PALM2AKAP2: variants seen among roughly 807,000 people sequenced by gnomAD.
PALM2AKAP2 encodes PALM2-AKAP2 fusion protein.
Under a neutral mutation model 71.5 loss-of-function variants are expected in PALM2AKAP2, and 37 were observed. The observed-to-expected ratio is 0.52, with a 90% CI of 0.40 to 0.68. PALM2AKAP2 has a LOEUF of 0.68. PALM2AKAP2 is among the 30% of genes least tolerant of loss of function. PALM2AKAP2 has a pLI of 0.00. For missense variants in PALM2AKAP2, 1,224 were observed against 1,191.8 expected, an observed-to-expected ratio of 1.03 and a Z score of -0.40; for synonymous variants, 468 against 478.8, an observed-to-expected ratio of 0.98 and a Z score of 0.29.
At chr9:109,871,710 T>C (rs1055534435) in intron 2 of PALM2AKAP2, among the ~76,000 whole-genome samples, 1 of 152,248 alleles carries the variant, frequency 6.6e-6, no homozygotes, top group Middle Eastern at 3.4e-3. Context: ...AACATTAGCA[T>C]TGGAATAACA....
intron 3 of PALM2AKAP2, among the ~76,000 whole-genome samples, chr9:109,881,804 A>T (rs749256505): frequency 6.7e-6 from 1 of 149,252 alleles, no homozygotes. Context: ...TGTCCCTCCA[A>T]CCCATCCCAC....
intron 1 of PALM2AKAP2, among the ~76,000 whole-genome samples, chr9:109,660,131 A>G (rs10759355): frequency 0.2 from 29,674 of 152,122 alleles, 3,493 homozygotes; most frequent in African/African-American, 0.33. Flanking sequence ...ACTGCACCTG[A>G]CCCAAAAACA....
rs552228907 is a variant in PALM2AKAP2, at chr9:109,839,496, C to T, written c.46-27995C>T. 5.2e-4 allele frequency among the ~76,000 whole-genome samples: 79 copies of T among 152,322 alleles called. 1 individual carries two copies. The highest frequency in any genetic ancestry group is 1.8e-3 in the African/African-American group (74 of 41,574). ...GGCACAAGACAGGGATGCCCTCTCTCACCACTCCTATTCAACATAGTGTTG... is the reference window on the plus strand; with the variant it reads ...GGCACAAGACAGGGATGCCCTCTCTTACCACTCCTATTCAACATAGTGTTG... On this transcript the variant is annotated intron_variant, in intron 1 of 9. Transcript: ENST00000302798.
At chr9:110,113,318 A>G (rs1185552314) in intron 1 of PALM2AKAP2, among the ~76,000 whole-genome samples, 1 of 150,404 alleles carries the variant, frequency 6.6e-6, no homozygotes, top group African/African-American at 2.5e-5. Flanking sequence ...AGCTCACTGC[A>G]ACCTCCACCT....
chr9:109,694,282 G>A (rs1221898218), intron 1 of PALM2AKAP2, among the ~76,000 whole-genome samples: 1 of 151,964 alleles, frequency 6.6e-6, no homozygotes, highest in Non-Finnish European at 1.5e-5. Context: ...CTTACATCAT[G>A]TACATATTTA....
At chr9:110,039,381 A>C (rs539400603) in intron 7 of PALM2AKAP2, among the ~76,000 whole-genome samples, 1 of 152,334 alleles carries the variant, frequency 6.6e-6, no homozygotes, top group East Asian at 1.9e-4. Flanking sequence ...AGCATATTTG[A>C]TAAAGTGAAA....
At chr9:110,137,811 A>C in exon 2 of PALM2AKAP2, 1 of 1,614,126 alleles carries the variant, frequency 6.2e-7, no homozygotes, top group Non-Finnish European at 8.5e-7. Flanking sequence ...TCTCTGCCCC[A>C]GACACCACAA....
intron 1 of PALM2AKAP2, among the ~76,000 whole-genome samples, chr9:110,050,846 T>C (rs1326594051): frequency 1.3e-5 from 2 of 152,196 alleles, no homozygotes; most frequent in African/African-American, 4.8e-5. Context: ...CAGGCTGGTC[T>C]TGAACTCCTG....
intron 7 of PALM2AKAP2, among the ~76,000 whole-genome samples, chr9:110,024,658 T>A (rs1272931025): frequency 2.0e-5 from 3 of 151,890 alleles, no homozygotes; most frequent in Admixed American, 1.3e-4. Context: ...GTGGCATGCA[T>A]CTGTAGTCCC....
At chr9:110,160,874 GA>G (rs1251812620) in intron 3 of PALM2AKAP2, among the ~76,000 whole-genome samples, 2 of 152,086 alleles carry the variant, frequency 1.3e-5, no homozygotes, top group African/African-American at 4.8e-5. Flanking sequence ...TCATTACTGA[GA>G]GGTCATCCAA....
intron 1 of PALM2AKAP2, among the ~76,000 whole-genome samples, chr9:110,131,282 T>C (rs1437015541): frequency 6.6e-6 from 1 of 152,186 alleles, no homozygotes; most frequent in Non-Finnish European, 1.5e-5. Flanking sequence ...ACTGGGCCGA[T>C]CTAAAAAGCT....
At chr9:109,781,315 A>G (rs748972246) in intron 1 of PALM2AKAP2, among the ~76,000 whole-genome samples, 1 of 152,180 alleles carries the variant, frequency 6.6e-6, no homozygotes, top group Admixed American at 6.5e-5. Context: ...CAGATGTGGT[A>G]TTTTTACTGG....
chr9:110,167,288 GC>G (rs1255246951), intron 3 of PALM2AKAP2, among the ~76,000 whole-genome samples: 1 of 152,190 alleles, frequency 6.6e-6, no homozygotes. Flanking sequence ...AATGAGCAGT[GC>G]CTTCATTGCA....
chr9:109,648,417 C>T (rs1827181801), intron 1 of PALM2AKAP2, among the ~76,000 whole-genome samples: 1 of 152,136 alleles, frequency 6.6e-6, no homozygotes, highest in Non-Finnish European at 1.5e-5. Flanking sequence ...CTGCTCCAAG[C>T]ACTGAGAATA....
rs769866033 is a variant in PALM2AKAP2 at position 109,943,041 on chromosome 9, C to T, written c.496+11013C>T. ...AAATGGTACATAAGTCTAGGAAAGA[C>T]CATTCTTCCGGGAACCCAGGGCAGC... On this transcript the variant is annotated intron_variant, in intron 6 of 9. Transcript: ENST00000302798. 39 of 1,614,206 alleles carry T rather than the reference C, an allele frequency of 2.4e-5. 1 individual carries two copies. In the Middle Eastern group the frequency reaches 8.2e-4, roughly 34 times the overall value.
At chr9:109,750,134 C>T (rs186011492) in intron 1 of PALM2AKAP2, among the ~76,000 whole-genome samples, 284 of 152,238 alleles carry the variant, frequency 1.9e-3, no homozygotes, top group African/African-American at 6.5e-3. Context: ...AAAGAAACTC[C>T]GTGAAACAGG....
intron 6 of PALM2AKAP2, among the ~76,000 whole-genome samples, chr9:110,005,903 G>A (rs575040911): frequency 6.6e-6 from 1 of 152,118 alleles, no homozygotes; most frequent in Non-Finnish European, 1.5e-5. Context: ...GGAGTGACCC[G>A]ATTTTCCAGG....
intron 6 of PALM2AKAP2, among the ~76,000 whole-genome samples, chr9:109,991,728 A>G (rs1832486188): frequency 6.6e-6 from 1 of 152,228 alleles, no homozygotes; most frequent in South Asian, 2.1e-4. Flanking sequence ...CTAAGGAAAG[A>G]GCAAACAGCT....
intron 6 of PALM2AKAP2, among the ~76,000 whole-genome samples, chr9:109,947,693 A>T (rs1252415267): frequency 2.0e-5 from 3 of 152,204 alleles, no homozygotes; most frequent in Non-Finnish European, 2.9e-5. Flanking sequence ...CCCTGGACCC[A>T]CTGGAGAGTT....
Sources: gnomAD v4.1 joint callset for allele counts (sites outside exome capture counted in the v4.1 genomes callset) on GRCh38, gnomAD v4.1.1 for gene constraint, MANE v1.5 for transcripts, NCBI Gene and HGNC (gene_info 2026-07-23, HGNC 2026-07-21) for gene names.